ANKFN1: variants seen among roughly 807,000 people sequenced by gnomAD.
ANKFN1 encodes the protein ankyrin repeat and fibronectin type III domain containing 1.
Under a neutral mutation model 108.7 loss-of-function variants are expected in ANKFN1, and 74 were observed. The ratio of observed to expected loss-of-function variants is 0.68; its 90% CI spans 0.56 to 0.83. The LOEUF (loss-of-function observed/expected upper bound fraction) is 0.83. ANKFN1 is among the 40% of genes least tolerant of loss of function. The probability of loss-of-function intolerance (pLI) is 0.00; values close to 1 mark genes in which losing one functional copy is unlikely to be tolerated. For synonymous variants in ANKFN1, 547 were observed against 516.2 expected (o/e 1.06, Z -0.81); for missense variants, 1,505 against 1,382.3 (o/e 1.09, Z -1.41).
intron 8 of ANKFN1, among the ~76,000 whole-genome samples, chr17:56,401,824 G>A (rs1453918449): frequency 6.6e-6 from 1 of 152,136 alleles, no homozygotes; most frequent in Non-Finnish European, 1.5e-5. Context: ...TGTTGGCTGT[G>A]AGTTTGTCAT....
chr17:56,165,495 C>A lies in ANKFN1; in HGVS notation c.-71+11965C>A, dbSNP rs571629381. ...ATTCAAATAAATGTTGTCTAGGTAACATGTTCTACATACCCAAATTTCTCA... is the reference window on the plus strand; with the variant it reads ...ATTCAAATAAATGTTGTCTAGGTAAAATGTTCTACATACCCAAATTTCTCA... On this transcript the variant is annotated intron_variant, in intron 1 of 20. Transcript: ENST00000682825. Among the ~76,000 whole-genome samples the A allele has an allele frequency of 5.9e-5, 9 of 152,276 alleles. No individual in the cohort carries two copies. In the East Asian group the frequency reaches 1.7e-3, roughly 29 times the overall value.
chr17:56,067,303 T>G (rs1905071729), intron 4 of ANKFN1, among the ~76,000 whole-genome samples: 1 of 152,218 alleles, frequency 6.6e-6, no homozygotes, highest in African/African-American at 2.4e-5. Context: ...CCACCTCTTT[T>G]TCCTTTCTTG....
chr17:56,149,059 G>A (rs1908438712), upstream of ANKFN1, among the ~76,000 whole-genome samples: 1 of 152,170 alleles, frequency 6.6e-6, no homozygotes, highest in African/African-American at 2.4e-5. Flanking sequence ...TTGGGTCTGT[G>A]TGATTCCAAA....
chr17:56,070,744 C>CTTTTT (rs536452426), intron 4 of ANKFN1, among the ~76,000 whole-genome samples: 1 of 128,794 alleles, frequency 7.8e-6, no homozygotes, highest in Non-Finnish European at 1.7e-5. Context: ...GTATTTTTTT[C>CTTTTT]TTTTTTTTTT....
At chr17:56,384,751 C>A (rs1294856261) in intron 8 of ANKFN1, among the ~76,000 whole-genome samples, 4 of 152,026 alleles carry the variant, frequency 2.6e-5, no homozygotes, top group East Asian at 1.9e-4. Flanking sequence ...ACCTAGGAAT[C>A]CAACTTACAA....
chr17:56,498,824 G>T, intron 19 of ANKFN1, 58 bp from the exon 20 acceptor site: 9 of 1,383,494 alleles, frequency 6.5e-6, no homozygotes, highest in Non-Finnish European at 7.9e-6. Flanking sequence ...TCAGGGAAAT[G>T]TATTCCTTTT....
chr17:56,105,387 C>T lies in ANKFN1; in HGVS notation c.288+59062C>T, dbSNP rs540950933. Among the ~76,000 whole-genome samples, 9 of 152,194 alleles carry T rather than the reference C, an allele frequency of 5.9e-5. No individual in the cohort carries two copies. In the South Asian group the frequency reaches 1.5e-3, roughly 25 times the overall value. On this transcript the variant is annotated intron_variant, in intron 4 of 12. Coordinates refer to the ANKFN1 transcript ENST00000635860. Reference sequence around the variant, plus strand: ...TCTGCTAGCTACCCCTGCACACCTCCGAGGCACGTGTGAAATACTCGGCTT... The same window carrying T: ...TCTGCTAGCTACCCCTGCACACCTCTGAGGCACGTGTGAAATACTCGGCTT...
chr17:56,400,243 A>G (rs2047719685), intron 8 of ANKFN1, among the ~76,000 whole-genome samples: 1 of 152,004 alleles, frequency 6.6e-6, no homozygotes, highest in South Asian at 2.1e-4. Context: ...CCACACCAAC[A>G]TCTACTGTTT....
At chr17:56,437,687 A>G (rs1254229964) in intron 8 of ANKFN1, among the ~76,000 whole-genome samples, 2 of 152,172 alleles carry the variant, frequency 1.3e-5, no homozygotes, top group Non-Finnish European at 2.9e-5. Flanking sequence ...TGACTTTCAG[A>G]GACTTGGCTT....
At chr17:56,368,144 T>G (rs2046708199) in intron 6 of ANKFN1, 1 of 1,330,988 alleles carries the variant, frequency 7.5e-7, no homozygotes, top group East Asian at 2.7e-5. Context: ...ATAAATATTC[T>G]GACACCACTG....
chr17:56,465,009 T>A (rs2050027926), intron 14 of ANKFN1, among the ~76,000 whole-genome samples: 1 of 152,212 alleles, frequency 6.6e-6, no homozygotes. Flanking sequence ...GTTGTCAAAC[T>A]CTGGGTAGTT....
rs2049335158 is a variant in ANKFN1 at position 56,447,422 on chromosome 17, G to A, written c.1100-1657G>A. Reference sequence around the variant, plus strand: ...CCAAGCTTCTGACCTTCCTTCCCAAGAGAAAAGAGAAAAATAAAAAGCATG... The same window carrying A: ...CCAAGCTTCTGACCTTCCTTCCCAAAAGAAAAGAGAAAAATAAAAAGCATG... On this transcript the variant is annotated intron_variant, in intron 10 of 20. Transcript: ENST00000682825. 3.3e-5 allele frequency among the ~76,000 whole-genome samples: 5 copies of A among 152,144 alleles called. No homozygotes were observed. In the South Asian group the frequency reaches 1.0e-3, roughly 32 times the overall value.
In ANKFN1 at chr17:56,385,383, G is replaced by A. The variant is rs561178354; in HGVS notation, c.910+10669G>A. Among the ~76,000 whole-genome samples the A allele has an allele frequency of 6.5e-3, 991 of 152,264 alleles. 7 individuals carry two copies. Among genetic ancestry groups the A allele is most frequent in the African/African-American group, 0.022 (908 of 41,532 alleles). On this transcript the variant is annotated intron_variant, in intron 8 of 20. Transcript: ENST00000682825. ...ATAAAAACCCTAGAAGAAAGCCTAG[G>A]CATTACCATTCAGGACATAGGCATG...
intron 8 of ANKFN1, among the ~76,000 whole-genome samples, chr17:56,437,480 T>C (rs1054794029): frequency 6.6e-6 from 1 of 152,236 alleles, no homozygotes; most frequent in African/African-American, 2.4e-5. Flanking sequence ...CAATTAATCA[T>C]GTCTGTTTCA....
chr17:56,265,056 G>T (rs79311613), intron 3 of ANKFN1, among the ~76,000 whole-genome samples: 2,484 of 152,026 alleles, frequency 0.016, 76 homozygotes, highest in African/African-American at 0.058. Context: ...CCCTTTCCAT[G>T]CCAGTTTAAT....
At chr17:56,136,835 A>G (rs957730045) in intron 4 of ANKFN1, among the ~76,000 whole-genome samples, 1 of 152,246 alleles carries the variant, frequency 6.6e-6, no homozygotes, top group Non-Finnish European at 1.5e-5. Context: ...AAAGAAGAAT[A>G]TTAATCATAT....
At chr17:56,495,112 C>A (rs1479249969) in intron 19 of ANKFN1, among the ~76,000 whole-genome samples, 1 of 152,124 alleles carries the variant, frequency 6.6e-6, no homozygotes, top group Non-Finnish European at 1.5e-5. Flanking sequence ...ACATACTTCC[C>A]TTCCAGTCAG....
intron 4 of ANKFN1, among the ~76,000 whole-genome samples, chr17:56,066,749 C>T (rs1303356179): frequency 1.3e-5 from 2 of 152,134 alleles, no homozygotes; most frequent in African/African-American, 2.4e-5. Context: ...TCCCCATAGC[C>T]CCTGGAAACC....
At chr17:56,442,711 T>A in intron 9 of ANKFN1, 132 bp from the exon 10 acceptor site, 2 of 705,320 alleles carry the variant, frequency 2.8e-6, no homozygotes, top group Non-Finnish European at 4.5e-6. Context: ...CCATGAACTC[T>A]GTTGCATGGG....
Sources: allele counts gnomAD v4.1 joint callset (sites outside exome capture counted in the v4.1 genomes callset), GRCh38; gene constraint gnomAD v4.1.1; transcripts MANE v1.5; gene names NCBI Gene and HGNC (gene_info 2026-07-23, HGNC 2026-07-21).